The following PLXNC1 variants were observed in gnomAD, a reference collection of about 807,000 sequenced individuals.
PLXNC1 encodes plexin-C1.
Under a neutral mutation model 178.2 loss-of-function variants are expected in PLXNC1, and 75 were observed. The ratio of observed to expected loss-of-function variants is 0.42; its 90% CI spans 0.35 to 0.51. The LOEUF (loss-of-function observed/expected upper bound fraction) is 0.51. Ranked by LOEUF, PLXNC1 falls within the 20% of genes least tolerant of loss-of-function variation. The pLI, the probability that PLXNC1 is intolerant of heterozygous loss-of-function variation, is 0.02. For synonymous variants in PLXNC1, 790 were observed against 779.9 expected, an observed-to-expected ratio of 1.01 and a Z score of -0.22; for missense variants, 1,503 against 1,984.4, an observed-to-expected ratio of 0.76 and a Z score of 4.61.
intron 4 of PLXNC1, among the ~76,000 whole-genome samples, chr12:94,188,944 G>A (rs987382672): frequency 3.3e-5 from 5 of 151,986 alleles, no homozygotes; most frequent in African/African-American, 1.2e-4. Flanking sequence ...AGAATGAGGT[G>A]AGGGAGGAAG....
At chr12:94,284,419 G>A (rs2136157020) in intron 23 of PLXNC1, among the ~76,000 whole-genome samples, 1 of 152,300 alleles carries the variant, frequency 6.6e-6, no homozygotes, top group South Asian at 2.1e-4. Flanking sequence ...AGTTGGTTAG[G>A]TCAGATCTCT....
intron 2 of PLXNC1, 73 bp from the exon 3 acceptor site, chr12:94,181,373 C>T (rs906558053): frequency 4.2e-5 from 42 of 1,010,228 alleles, no homozygotes; most frequent in Non-Finnish European, 5.2e-5. Context: ...GGCGACAGAG[C>T]GAGATTCCGT....
At position 94,222,186 on chromosome 12, in the gene PLXNC1, G is replaced by A. The variant is rs570921633; in HGVS notation, c.1702+2023G>A. On this transcript the variant is annotated intron_variant, in intron 6 of 30. Coordinates refer to ENST00000258526, the MANE Select transcript of PLXNC1 (RefSeq NM_005761.3). ...CAGACCTTGCTCACCTATAAAATAT[G>A]CCTCTAAAGTATTTGAGATCACCTT... 3.3e-5 allele frequency among the ~76,000 whole-genome samples: 5 copies of A among 152,240 alleles called. No homozygotes were observed. The South Asian group carries it at 1.0e-3, about 32-fold the overall frequency.
At chr12:94,203,379 A>G (rs1352065175) in intron 4 of PLXNC1, among the ~76,000 whole-genome samples, 1 of 152,220 alleles carries the variant, frequency 6.6e-6, no homozygotes, top group African/African-American at 2.4e-5. Context: ...AGACTTGTTT[A>G]ATTTTATTTA....
intron 28 of PLXNC1, 77 bp downstream of exon 28, chr12:94,301,134 T>C: frequency 1.5e-6 from 2 of 1,329,970 alleles, no homozygotes; most frequent in South Asian, 2.6e-5. Context: ...AGCATTCAAA[T>C]AATAAACAAT....
At chr12:94,228,346 T>A (rs1247007012) in intron 9 of PLXNC1, among the ~76,000 whole-genome samples, 1 of 152,190 alleles carries the variant, frequency 6.6e-6, no homozygotes, top group East Asian at 1.9e-4. Flanking sequence ...AGACAGTGGC[T>A]TTGTGGCTTT....
At chr12:94,284,347 AAGTT>A (rs563283765) in intron 23 of PLXNC1, among the ~76,000 whole-genome samples, 179 of 152,194 alleles carry the variant, frequency 1.2e-3, no homozygotes, top group African/African-American at 4.2e-3. Flanking sequence ...GTTCCTCCCA[AAGTT>A]AGTTCAGTCT....
chr12:94,170,672 T>G (rs997860728), intron 2 of PLXNC1, among the ~76,000 whole-genome samples: 1 of 151,564 alleles, frequency 6.6e-6, no homozygotes, highest in South Asian at 2.1e-4. Context: ...TTAAGCCTCA[T>G]GAGAAGGGGG....
intron 21 of PLXNC1, among the ~76,000 whole-genome samples, chr12:94,273,476 C>T (rs986385443): frequency 6.6e-6 from 1 of 152,158 alleles, no homozygotes; most frequent in Non-Finnish European, 1.5e-5. Context: ...TGAACTACAG[C>T]TCTTTGCGAC....
At position 94,275,724 on chromosome 12, in the gene PLXNC1, G is replaced by A. The variant is rs559749260; in HGVS notation, c.3598-3748G>A. Among the ~76,000 whole-genome samples, 33 of 128,756 alleles carry A rather than the reference G, an allele frequency of 2.6e-4. 5 individuals are homozygous for A. The highest frequency in any genetic ancestry group is 7.8e-3 in the Middle Eastern group (2 of 258). 84.5% of individuals were successfully genotyped at this position (128,756 alleles called of 152,430 possible). On this transcript the variant is annotated intron_variant, in intron 21 of 30. Coordinates refer to ENST00000258526, the MANE Select transcript of PLXNC1 (RefSeq NM_005761.3). ...CAAAAAATTAGCCGGGCGTAGTGGC[G>A]GGCGCCTGTAGTCCCAGCTACTTGG...
At chr12:94,169,099 C>A (rs2361359) in intron 1 of PLXNC1, 54 bp from the exon 2 acceptor site, 87 of 1,481,432 alleles carry the variant, frequency 5.9e-5, no homozygotes, top group Non-Finnish European at 8.0e-5. Context: ...ATAATGAGAA[C>A]TATTGTTGTT....
Position 94,240,567 on chromosome 12 carries a change from A to C in PLXNC1, c.2203A>C (p.Ile735Leu). The change falls in exon 11 of 31, where the codon ATC (isoleucine) becomes CTC (leucine). Residue 735 changes from isoleucine to leucine, a missense_variant. Ile to Leu is a conservative substitution (Grantham distance 5). Transcript: ENST00000258526. The stretch of plus-strand genomic sequence containing the variant: ...CCGGAAAGAAATGAAGGATGTGTGT[A>C]TCCAGTTTGATGGTGGGAACTGCTC... ...SSRKEMKDVCIQFDGGNCSSV... is the reference protein window; with the variant it reads ...SSRKEMKDVCLQFDGGNCSSV... 1 of 1,613,822 alleles carries C rather than the reference A, an allele frequency of 6.2e-7. No homozygotes were observed. The highest frequency in any genetic ancestry group is 8.5e-7 in the Non-Finnish European group (1 of 1,179,656).
chr12:94,226,703 A>C lies in PLXNC1; in HGVS notation c.1889A>C (p.Asn630Thr). The C allele has an allele frequency of 6.2e-7, 1 of 1,608,394 alleles. No homozygotes were observed. Among genetic ancestry groups the C allele is most frequent in the South Asian group, 1.1e-5 (1 of 90,958 alleles). ...TGCGACCCTTCTGATTATGAGAGAAACCAGGTAAAGTGACATTTTTGGTAT... is the reference window on the plus strand; with the variant it reads ...TGCGACCCTTCTGATTATGAGAGAACCCAGGTAAAGTGACATTTTTGGTAT... ...TACDPSDYERNQEQCPVAVEK... is the reference protein window; with the variant it reads ...TACDPSDYERTQEQCPVAVEK... The change falls in exon 8 of 31, where the codon AAC becomes ACC. Residue 630 changes from asparagine (N) to threonine (T), a missense_variant. Asn to Thr is a moderately conservative substitution (Grantham distance 65). Coordinates refer to ENST00000258526, the MANE Select transcript of PLXNC1 (RefSeq NM_005761.3).
chr12:94,256,294 C>T lies in PLXNC1; in HGVS notation c.3087+998C>T, dbSNP rs575626531. 102 of 152,278 alleles carry T rather than the reference C, an allele frequency of 6.7e-4. 1 individual carries two copies. Among genetic ancestry groups the T allele is most frequent in the African/African-American group, 2.3e-3 (94 of 41,550 alleles). 9.4% of individuals were successfully genotyped at this position (152,278 alleles called of 1,614,324 possible). A position where few individuals can be genotyped will look rare whatever the true frequency, so the allele number is the denominator to read the frequency against. The stretch of plus-strand genomic sequence containing the variant: ...CCAGACACATGCAGTAAGCAATTTC[C>T]AGTTTCTCTATAATTTAGAAGAGGA... On this transcript the variant is annotated intron_variant, in intron 17 of 30. Transcript: ENST00000258526.
chr12:94,160,618 G>T (rs1961349857), intron 1 of PLXNC1, among the ~76,000 whole-genome samples: 1 of 152,144 alleles, frequency 6.6e-6, no homozygotes, highest in African/African-American at 2.4e-5. Context: ...AATAGAGGGG[G>T]GAATAGCCTA....
Position 94,182,317 on chromosome 12 carries a change from C to T in PLXNC1, c.1338+737C>T, listed in dbSNP as rs1357404373. 8.8e-5 allele frequency among the ~76,000 whole-genome samples: 13 copies of T among 147,256 alleles called. No homozygotes were observed. The East Asian group carries it at 2.5e-3, about 28-fold the overall frequency. ...CCTGTCACCCCAGCACTTTGGGAGG[C>T]TGAGGCAGGAGGATCACTTGAGGCC... On this transcript the variant is annotated intron_variant, in intron 3 of 30. Transcript: ENST00000258526.
At chr12:94,187,917 G>C (rs1251775575) in intron 4 of PLXNC1, among the ~76,000 whole-genome samples, 2 of 151,886 alleles carry the variant, frequency 1.3e-5, no homozygotes, top group African/African-American at 4.8e-5. Flanking sequence ...AGAGAAGTTT[G>C]AGAACTGGGC....
At chr12:94,288,778 A>AT (rs1444458583) in intron 23 of PLXNC1, among the ~76,000 whole-genome samples, 2 of 152,240 alleles carry the variant, frequency 1.3e-5, no homozygotes, top group African/African-American at 4.8e-5. Context: ...GAGGGAGAGC[A>AT]ATATTGGCAC....
chr12:94,279,675 T>C, intron 22 of PLXNC1, 26 bp downstream of exon 22: 1 of 1,608,688 alleles, frequency 6.2e-7, no homozygotes, highest in Non-Finnish European at 8.5e-7. Context: ...AGCTATGTGG[T>C]CCCAGGCCCT....
Sources: allele counts gnomAD v4.1 joint callset (sites outside exome capture counted in the v4.1 genomes callset), GRCh38; gene constraint gnomAD v4.1.1; transcripts MANE v1.5; gene names NCBI Gene and HGNC (gene_info 2026-07-23, HGNC 2026-07-21).